Variants in COQ7 observed in about 807,000 individuals in gnomAD.
COQ7 encodes the protein coenzyme Q7, hydroxylase, also known as NADPH-dependent 3-demethoxyubiquinone 3-hydroxylase, mitochondrial.
A neutral mutation model predicts 25.0 loss-of-function variants in COQ7; 21 were observed. The ratio of observed to expected loss-of-function variants is 0.84; its 90% CI spans 0.60 to 1.21. The LOEUF (loss-of-function observed/expected upper bound fraction) is 1.21. Among genes scored for constraint, COQ7 ranks in the 50% most tolerant of loss-of-function variants. COQ7 has a pLI of 0.00. For synonymous variants in COQ7, 125 were observed against 112.4 expected, an observed-to-expected ratio of 1.11 and a Z score of -0.71; for missense variants, 311 against 296.2, an observed-to-expected ratio of 1.05 and a Z score of -0.37.
Position 19,075,784 on chromosome 16 carries a change from G to C in COQ7, c.431G>C (p.Ser144Thr), listed in dbSNP as rs1962803715. 4.3e-6 allele frequency: 7 copies of C among 1,613,234 alleles called. No individual in the cohort carries two copies. Among genetic ancestry groups the C allele is most frequent in the Non-Finnish European group, 5.1e-6 (6 of 1,179,494 alleles). Reference sequence around the variant, plus strand: ...GCCTGCACCGTGGCGGTGGAAGAGAGCATAGCACATCACTACAACAACCAG... The same window carrying C: ...GCCTGCACCGTGGCGGTGGAAGAGACCATAGCACATCACTACAACAACCAG... ...AMACTVAVEE[S>T]IAHHYNNQIR... is the part of the protein sequence containing the mutation. Residue 144 changes from serine (S) to threonine (T), a missense_variant, in exon 4 of 6, where the codon AGC becomes ACC. Physicochemically the swap from Ser to Thr is moderately conservative, Grantham distance 58. Coordinates refer to ENST00000321998, the MANE Select transcript of COQ7 (RefSeq NM_016138.5).
intron 2 of COQ7, among the ~76,000 whole-genome samples, chr16:19,072,999 C>T (rs556844395): frequency 1.8e-4 from 28 of 152,182 alleles, no homozygotes; most frequent in African/African-American, 3.9e-4. Context: ...GATGAGACTC[C>T]GTCTCTACGA....
chr16:19,077,118 C>T (rs916182363), intron 4 of COQ7, among the ~76,000 whole-genome samples, 188 bp from the exon 5 acceptor site: 3 of 152,208 alleles, frequency 2.0e-5, no homozygotes, highest in African/African-American at 7.2e-5. Context: ...TTGCATGTCT[C>T]CGGCTGCTTT....
chr16:19,072,160 G>A, intron 2 of COQ7, 54 bp downstream of exon 2: 4 of 1,599,852 alleles, frequency 2.5e-6, no homozygotes, highest in East Asian at 2.2e-5. Flanking sequence ...CAGATCCAAA[G>A]GACTTCAAGT....
chr16:19,069,288 A>G (rs1448878096), intron 1 of COQ7, among the ~76,000 whole-genome samples: 2 of 152,196 alleles, frequency 1.3e-5, no homozygotes, highest in Admixed American at 1.3e-4. Context: ...ATAACAGAAT[A>G]AGACTCATTT....
intron 1 of COQ7, chr16:19,067,951 C>T (rs914633461): frequency 2.1e-6 from 3 of 1,435,278 alleles, no homozygotes; most frequent in Non-Finnish European, 1.8e-6. Context: ...GGGGTTGTTT[C>T]GGCAGTGACG....
intron 1 of COQ7, among the ~76,000 whole-genome samples, chr16:19,069,630 C>T (rs753801507): frequency 8.6e-5 from 13 of 151,224 alleles, no homozygotes; most frequent in East Asian, 2.0e-4. Context: ...AGGCTGGTCT[C>T]GAACTCCTGA....
At chr16:19,081,726 A>G (rs1445192656), downstream of COQ7, among the ~76,000 whole-genome samples, 7 of 152,236 alleles carry the variant, frequency 4.6e-5, no homozygotes, top group African/African-American at 1.4e-4. Context: ...TTTGCAAACA[A>G]TCCTATTATG....
chr16:19,081,903 G>A (rs1193740983), downstream of COQ7, among the ~76,000 whole-genome samples: 1 of 152,130 alleles, frequency 6.6e-6, no homozygotes, highest in Non-Finnish European at 1.5e-5. Context: ...GAAGAAACAA[G>A]GGATGGTTAA....
chr16:19,070,928 T>C (rs747323173), intron 1 of COQ7, among the ~76,000 whole-genome samples: 2 of 152,180 alleles, frequency 1.3e-5, no homozygotes, highest in Admixed American at 6.6e-5. Flanking sequence ...AATATAAGGC[T>C]CAGAGAATAT....
chr16:19,071,481 C>T (rs903413453), intron 1 of COQ7, among the ~76,000 whole-genome samples: 2 of 152,230 alleles, frequency 1.3e-5, no homozygotes, highest in Non-Finnish European at 2.9e-5. Flanking sequence ...TCAGCCTTGG[C>T]TGAAGAGAAG....
intron 1 of COQ7, among the ~76,000 whole-genome samples, chr16:19,069,592 G>C (rs915004032): frequency 3.9e-5 from 6 of 151,934 alleles, no homozygotes; most frequent in Admixed American, 1.3e-4. Context: ...TGAATTTTTG[G>C]TAGAGACGGG....
At position 19,075,788 on chromosome 16, in the gene COQ7, A is replaced by G; in HGVS notation, c.435A>G (p.Ile145Met). Residue 145 changes from isoleucine (I) to methionine (M), a missense_variant, in exon 4 of 6, where the codon ATA becomes ATG. Coordinates refer to ENST00000321998, the MANE Select transcript of COQ7 (RefSeq NM_016138.5). Reference protein sequence around the residue: ...MACTVAVEESIAHHYNNQIRT... With the variant: ...MACTVAVEESMAHHYNNQIRT... ...GCACCGTGGCGGTGGAAGAGAGCAT[A>G]GCACATCACTACAACAACCAGATCA... is the stretch of plus-strand genomic sequence containing the variant. 2 of 1,613,610 alleles carry G rather than the reference A, an allele frequency of 1.2e-6. No individual in the cohort carries two copies. Among genetic ancestry groups the G allele is most frequent in the Non-Finnish European group, 1.7e-6 (2 of 1,179,686 alleles).
At chr16:19,068,147 T>C (rs1962335416) in intron 1 of COQ7, 2 of 1,047,782 alleles carry the variant, frequency 1.9e-6, no homozygotes, top group South Asian at 3.3e-5. Context: ...CCGCTACTTC[T>C]GGGCGCTCGC....
chr16:19,080,103 ATCTGC>A (rs1963060492), downstream of COQ7: 1 of 152,186 alleles, frequency 6.6e-6, no homozygotes, highest in African/African-American at 2.4e-5. Context: ...TAAGGTACTG[ATCTGC>A]TCTTTAACAA....
chr16:19,072,218 C>T, intron 2 of COQ7, 112 bp downstream of exon 2: 1 of 1,333,704 alleles, frequency 7.5e-7, no homozygotes, highest in Non-Finnish European at 1.0e-6. Flanking sequence ...GCCATTGTCT[C>T]CAGGAGAGCG....
At chr16:19,074,512 G>A (rs541681423) in intron 3 of COQ7, among the ~76,000 whole-genome samples, 21 of 151,566 alleles carry the variant, frequency 1.4e-4, no homozygotes, top group African/African-American at 4.1e-4. Context: ...GTGACAGAGC[G>A]ACACTCTGTC....
Position 19,078,787 on chromosome 16 carries a change from T to C in COQ7, c.*629T>C, listed in dbSNP as rs1299577114. 2.0e-5 allele frequency: 3 copies of C among 152,134 alleles called. No homozygotes were observed. The highest frequency in any genetic ancestry group is 6.6e-5 in the Admixed American group (1 of 15,258). The allele number at this position is 152,134 out of a possible 1,614,324, so 9.4% of individuals were successfully genotyped here. A position where few individuals can be genotyped will look rare whatever the true frequency, so the allele number is the denominator to read the frequency against. ...TAAAACTTCAAGGACAAATCATTAA[T>C]AATGTAACAGGAATCTTTAGGAGAA... On this transcript the variant is annotated 3_prime_UTR_variant, in exon 6 of 6. Coordinates refer to ENST00000321998, the MANE Select transcript of COQ7 (RefSeq NM_016138.5).
chr16:19,077,603 T>TTTTTTTTTTTTTTTTTTTTTTTTTTC (rs1001368417), intron 5 of COQ7, among the ~76,000 whole-genome samples: 4 of 142,332 alleles, frequency 2.8e-5, no homozygotes, highest in Non-Finnish European at 4.6e-5. Context: ...TTTTTTTTTT[T>TTTTTTTTTTTTTTTTTTTTTTTTTTC]TCCCAGACAC....
Position 19,067,633 on chromosome 16 carries a change from C to A in COQ7, c.-32C>A. ...AAGGGCACTATTGGCCAGTTCCGTT[C>A]AACGAAGTGGTTGCTTTTTTTAGTT... On this transcript the variant is annotated 5_prime_UTR_variant, in exon 1 of 6. Transcript: ENST00000321998. 1 of 1,613,374 alleles carries A rather than the reference C, an allele frequency of 6.2e-7. No individual in the cohort carries two copies. Among genetic ancestry groups the A allele is most frequent in the African/African-American group, 1.3e-5 (1 of 75,032 alleles).
Sources: gnomAD v4.1 joint callset for allele counts (sites outside exome capture counted in the v4.1 genomes callset) on GRCh38, gnomAD v4.1.1 for gene constraint, MANE v1.5 for transcripts, NCBI Gene and HGNC (gene_info 2026-07-23, HGNC 2026-07-21) for gene names.